The following CES2 variants were observed in gnomAD, a reference collection of about 807,000 sequenced individuals.
CES2 encodes carboxylesterase 2.
CES2 carries 42 observed loss-of-function variants against 52.1 expected under a neutral mutation model. That is an observed-to-expected ratio of 0.81 (90% CI 0.63 to 1.04). CES2 has a LOEUF of 1.04. Ranked by LOEUF, CES2 falls within the 50% of genes least tolerant of loss-of-function variation. The pLI is 0.00. For missense variants in CES2, 656 were observed against 724.3 expected (o/e 0.91, Z 1.08); for synonymous variants, 277 against 289.6 (o/e 0.96, Z 0.44).
intron 1 of CES2, among the ~76,000 whole-genome samples, chr16:66,936,528 A>G (rs190067712): frequency 6.6e-6 from 1 of 152,102 alleles, no homozygotes; most frequent in East Asian, 1.9e-4. Context: ...CTGTCTCCAG[A>G]AACAAGAACC....
intron 3 of CES2, 100 bp downstream of exon 3, chr16:66,939,458 A>G (rs1051641435): frequency 2.3e-6 from 3 of 1,289,908 alleles, no homozygotes; most frequent in African/African-American, 1.5e-5. Flanking sequence ...AGAGTGGACC[A>G]TGCTGAGAAG....
rs1963188141 is a variant in CES2 at position 66,935,664 on chromosome 16, T to C, written c.29T>C (p.Leu10Pro). The change falls in exon 1 of 12, where the codon CTG (leucine) becomes CCG (proline). Residue 10 changes from leucine (L) to proline (P), a missense_variant. Physicochemically the swap from Leu to Pro is moderately conservative, Grantham distance 98. Transcript: ENST00000317091. MRLHRLRAR[L>P]SAVACGLLLL... ...CGGCTGCACAGACTTCGTGCGCGGC[T>C]GAGCGCGGTGGCCTGTGGGCTTCTG... 1.2e-6 allele frequency: 2 copies of C among 1,602,824 alleles called. No homozygotes were observed. Among genetic ancestry groups the C allele is most frequent in the Admixed American group, 1.7e-5 (1 of 59,994 alleles).
chr16:66,941,728 C>A, intron 7 of CES2, 40 bp from the exon 8 acceptor site: 1 of 1,613,982 alleles, frequency 6.2e-7, no homozygotes, highest in South Asian at 1.1e-5. Flanking sequence ...GCTCCAGGCT[C>A]ATCCCATCCC....
Position 66,935,684 on chromosome 16 carries a change from C to T in CES2, c.49C>T (p.Leu17Phe), listed in dbSNP as rs777745155. 1 of 1,601,388 alleles carries T rather than the reference C, an allele frequency of 6.2e-7. No individual in the cohort carries two copies. The highest frequency in any genetic ancestry group is 8.5e-7 in the Non-Finnish European group (1 of 1,179,838). The stretch of plus-strand genomic sequence containing the variant: ...GCGGCTGAGCGCGGTGGCCTGTGGG[C>T]TTCTGCTGCTTCTTGTCCGGGGCCA... ...RARLSAVACG[L>F]LLLLVRGQGQ... Residue 17 changes from leucine (L) to phenylalanine (F), a missense_variant, in exon 1 of 12, where the codon CTT (leucine) becomes TTT (phenylalanine). Transcript: ENST00000317091.
intron 2 of CES2, among the ~76,000 whole-genome samples, chr16:66,938,612 G>A (rs1188645696): frequency 6.6e-6 from 1 of 152,218 alleles, no homozygotes; most frequent in Non-Finnish European, 1.5e-5. Flanking sequence ...TAACTCTAGT[G>A]GCAGATGTTG....
At chr16:66,940,053 G>C (rs959419476) in intron 3 of CES2, among the ~76,000 whole-genome samples, 169 bp from the exon 4 acceptor site, 1 of 152,154 alleles carries the variant, frequency 6.6e-6, no homozygotes, top group Admixed American at 6.5e-5. Flanking sequence ...TGGGAGGCCT[G>C]GTCTTCCTGA....
Position 66,943,916 on chromosome 16 carries a change from C to T in CES2, c.1571C>T (p.Pro524Leu), listed in dbSNP as rs755982825. The change falls in exon 12 of 12, where the codon CCT becomes CTT. Residue 524 changes from proline (P) to leucine (L), a missense_variant. Coordinates refer to ENST00000317091, the MANE Select transcript of CES2 (RefSeq NM_001365405.1). This position sits in a 1 kb window ranked among gnomAD's most constrained non-coding sequence, Gnocchi z 4.2. ...CAATACCTGCAGCTGAACCTACAGC[C>T]TGCGGTGGGCCGGGCTCTGAAGGCC... Reference protein sequence around the residue: ...EEQYLQLNLQPAVGRALKAHR... With the variant: ...EEQYLQLNLQLAVGRALKAHR... The T allele has an allele frequency of 1.2e-6, 2 of 1,610,470 alleles. No individual in the cohort carries two copies.
rs2145507385 is a variant in CES2, at chr16:66,941,554, C to T, written c.964C>T (p.His322Tyr). 6.2e-7 allele frequency: 1 copy of T among 1,614,116 alleles called. No individual in the cohort carries two copies. Among genetic ancestry groups the T allele is most frequent in the Non-Finnish European group, 8.5e-7 (1 of 1,179,980 alleles). The change falls in exon 7 of 12, where the codon CAC (histidine) becomes TAC (tyrosine). Residue 322 changes from histidine (H) to tyrosine (Y), a missense_variant. By Grantham distance (83) the His-to-Tyr change is moderately conservative. Coordinates refer to ENST00000317091, the MANE Select transcript of CES2 (RefSeq NM_001365405.1). ...GGTGGATGGGGTCTTCCTGCCCAGG[C>T]ACCCCCAGGAGCTGCTGGCCTCTGC... is the stretch of plus-strand genomic sequence containing the variant. ...GVVDGVFLPRHPQELLASADF... is the reference protein window; with the variant it reads ...GVVDGVFLPRYPQELLASADF...
At chr16:66,937,655 A>G (rs1963245603) in intron 1 of CES2, among the ~76,000 whole-genome samples, 1 of 152,052 alleles carries the variant, frequency 6.6e-6, no homozygotes, top group Admixed American at 6.5e-5. Context: ...TCTTTACATG[A>G]TTTCTTGCCA....
At chr16:66,935,328 C>T (rs1963171982), upstream of CES2, 4 of 1,179,782 alleles carry the variant, frequency 3.4e-6, no homozygotes, top group East Asian at 9.5e-5. Flanking sequence ...AGAGGATTCC[C>T]TGGATCGCGG....
Position 66,941,487 on chromosome 16 carries a change from A to T in CES2, c.916-19A>T. Reference sequence around the variant, plus strand: ...GTCTGGGACCTGACCTTGTTCCCTGACCTTACATTTCCCCTCAGCCTTTCA... The same window carrying T: ...GTCTGGGACCTGACCTTGTTCCCTGTCCTTACATTTCCCCTCAGCCTTTCA... On this transcript the variant is annotated intron_variant, in intron 6 of 11. Coordinates refer to ENST00000317091, the MANE Select transcript of CES2 (RefSeq NM_001365405.1). The T allele has an allele frequency of 6.2e-7, 1 of 1,613,298 alleles. No individual in the cohort carries two copies. Among genetic ancestry groups the T allele is most frequent in the Non-Finnish European group, 8.5e-7 (1 of 1,179,648 alleles).
In CES2 at chr16:66,944,130, C is replaced by G. The variant is rs11568313; in HGVS notation, c.*105C>G. ...AGAAAGAAGTTGATTCCTTCATTCA[C>G]TTCGCCATTCATTCATACTTCCGTC... On this transcript the variant is annotated 3_prime_UTR_variant, in exon 12 of 12. Coordinates refer to ENST00000317091, the MANE Select transcript of CES2 (RefSeq NM_001365405.1). 1.1e-3 allele frequency: 622 copies of G among 546,476 alleles called. 3 individuals carry two copies. Among genetic ancestry groups the G allele is most frequent in the Non-Finnish European group, 1.6e-3 (512 of 320,652 alleles). 33.9% of individuals were successfully genotyped at this position (546,476 alleles called of 1,614,324 possible).
rs759322994 is a variant in CES2, at chr16:66,941,810, G to T, written c.1099G>T (p.Ala367Ser). ...TACCCAGAAGGAAATGGACAGAGAG[G>T]CCTCCCAGGCTGCTCTGCAGAAAAT... ...YDTQKEMDRE[A>S]SQAALQKMLT... Residue 367 changes from alanine (A) to serine (S), a missense_variant, in exon 8 of 12, where the codon GCC becomes TCC. By Grantham distance (99) the Ala-to-Ser change is moderately conservative. Coordinates refer to ENST00000317091, the MANE Select transcript of CES2 (RefSeq NM_001365405.1). The T allele has an allele frequency of 8.1e-6, 13 of 1,614,136 alleles. No homozygotes were observed. In the South Asian group the frequency reaches 1.3e-4, roughly 16 times the overall value.
intron 1 of CES2, among the ~76,000 whole-genome samples, chr16:66,937,051 C>G (rs1158928233): frequency 6.7e-6 from 1 of 150,030 alleles, no homozygotes; most frequent in East Asian, 1.9e-4. Context: ...TGGTGGCAGA[C>G]AGCTGTACTC....
In CES2 at chr16:66,940,543, G is replaced by T. The variant is rs778129977; in HGVS notation, c.664G>T (p.Val222Phe). 6.2e-7 allele frequency: 1 copy of T among 1,614,166 alleles called. No individual in the cohort carries two copies. Among genetic ancestry groups the T allele is most frequent in the South Asian group, 1.1e-5 (1 of 91,086 alleles). ...CCACTTTGGAGGCAACCCTGACCGT[G>T]TCACCATTTTTGGCGAGTCTGCGGG... ...IAHFGGNPDR[V>F]TIFGESAGGT... The change falls in exon 5 of 12, where the codon GTC becomes TTC. Residue 222 changes from valine to phenylalanine, a missense_variant. By Grantham distance (50) the Val-to-Phe change is conservative (BLOSUM62 -1). Coordinates refer to ENST00000317091, the MANE Select transcript of CES2 (RefSeq NM_001365405.1).
rs950694997 is a variant in CES2 at position 66,942,696 on chromosome 16, G to A, written c.1331G>A (p.Trp444Ter). Residue 444 changes from tryptophan (W) to a stop codon, truncating the protein, a stop_gained, in exon 10 of 12, where the codon TGG becomes TAG. Coordinates refer to ENST00000317091, the MANE Select transcript of CES2 (RefSeq NM_001365405.1). LOFTEE classifies it high-confidence loss of function. ...YFYEFQHQPS[W>*]LKNIRPPHMK... ...TACGAGTTCCAGCATCAGCCCAGCT[G>A]GCTCAAGAACATCAGGCCACCGCAC... The A allele has an allele frequency of 5.6e-6, 9 of 1,614,196 alleles. No homozygotes were observed. The highest frequency in any genetic ancestry group is 7.6e-6 in the Non-Finnish European group (9 of 1,180,030).
chr16:66,942,157 A>T lies in CES2; in HGVS notation c.1190A>T (p.Asn397Ile). 6.2e-7 allele frequency: 1 copy of T among 1,613,636 alleles called. No individual in the cohort carries two copies. The highest frequency in any genetic ancestry group is 8.5e-7 in the Non-Finnish European group (1 of 1,179,670). ...DLLREEYIGDNGDPQTLQAQF... is the reference protein window; with the variant it reads ...DLLREEYIGDIGDPQTLQAQF... Reference sequence around the variant, plus strand: ...CTGAGGGAGGAGTACATTGGGGACAATGGGGATCCCCAGACCCTCCAAGCG... The same window carrying T: ...CTGAGGGAGGAGTACATTGGGGACATTGGGGATCCCCAGACCCTCCAAGCG... Residue 397 changes from asparagine (N) to isoleucine (I), a missense_variant, in exon 9 of 12, where the codon AAT becomes ATT. By Grantham distance (149) the Asn-to-Ile change is moderately radical (BLOSUM62 -3). Transcript: ENST00000317091.
chr16:66,941,229 C>A lies in CES2; in HGVS notation c.915+7C>A. On this transcript the variant is annotated splice_region_variant and intron_variant, in intron 6 of 11. Coordinates refer to ENST00000317091, the MANE Select transcript of CES2 (RefSeq NM_001365405.1). ...GATTCTTGCAATTAACAAGGTTGGT[C>A]TAAATGGATGTGGGTGTAGAGGAAG... 1 of 1,613,836 alleles carries A rather than the reference C, an allele frequency of 6.2e-7. No homozygotes were observed. Among genetic ancestry groups the A allele is most frequent in the South Asian group, 1.1e-5 (1 of 90,936 alleles).
chr16:66,937,054 C>T (rs1441187396), intron 1 of CES2, among the ~76,000 whole-genome samples: 1 of 150,888 alleles, frequency 6.6e-6, no homozygotes, highest in Non-Finnish European at 1.5e-5. Context: ...TGGCAGACAG[C>T]TGTACTCCAA....
Sources: gnomAD v4.1 joint callset for allele counts (sites outside exome capture counted in the v4.1 genomes callset) on GRCh38, gnomAD v4.1.1 for gene constraint, Gnocchi (gnomAD v3.1) non-coding constraint, MANE v1.5 for transcripts, NCBI Gene and HGNC (gene_info 2026-07-23, HGNC 2026-07-21) for gene names.